The following SORL1 variants were observed in gnomAD, a reference collection of about 807,000 sequenced individuals.
SORL1 encodes the protein sortilin-related receptor.
In SORL1, 127 loss-of-function variants were observed where a neutral mutation model predicts 273.7. The observed-to-expected ratio is 0.46, with a 90% CI of 0.40 to 0.54. The LOEUF (loss-of-function observed/expected upper bound fraction) is 0.54, where lower values mean the gene tolerates loss of function less well. Among genes scored for constraint, SORL1 ranks in the 20% least tolerant of loss-of-function variants. The pLI, the probability that SORL1 is intolerant of heterozygous loss-of-function variation, is 0.00. For synonymous variants in SORL1, 1,031 were observed against 1,067.4 expected (o/e 0.97, Z 0.66); for missense variants, 2,494 against 2,846.1 (o/e 0.88, Z 2.81).
intron 30 of SORL1, 168 bp from the exon 31 acceptor site, chr11:121,590,833 A>T: frequency 1.3e-6 from 1 of 790,774 alleles, no homozygotes; most frequent in Non-Finnish European, 2.3e-6. Context: ...CTGACAACCC[A>T]TTATACATGA....
intron 12 of SORL1, among the ~76,000 whole-genome samples, chr11:121,536,301 A>G (rs961497253): frequency 6.6e-6 from 1 of 152,020 alleles, no homozygotes; most frequent in Non-Finnish European, 1.5e-5. Flanking sequence ...GCAGTGGTTA[A>G]TGTCTTCACT....
intron 3 of SORL1, among the ~76,000 whole-genome samples, chr11:121,480,725 C>A (rs1029361196): frequency 2.1e-5 from 3 of 140,448 alleles, no homozygotes; most frequent in South Asian, 4.5e-4. Context: ...CAGCTCCTCC[C>A]CTAGTGCACA....
chr11:121,592,205 T>C (rs1419726212), intron 31 of SORL1, among the ~76,000 whole-genome samples: 2 of 152,228 alleles, frequency 1.3e-5, no homozygotes, highest in Non-Finnish European at 2.9e-5. Context: ...CAACCTTGTC[T>C]TCCTACTTTC....
intron 11 of SORL1, among the ~76,000 whole-genome samples, chr11:121,526,715 T>A (rs1283362747): frequency 1.3e-5 from 2 of 152,174 alleles, no homozygotes; most frequent in Non-Finnish European, 2.9e-5. Context: ...GGTATTACTG[T>A]AAATGGAATT....
intron 13 of SORL1, among the ~76,000 whole-genome samples, chr11:121,544,503 G>T (rs376250002): frequency 2.0e-5 from 3 of 152,274 alleles, no homozygotes; most frequent in African/African-American, 7.2e-5. Flanking sequence ...GTGCATATTT[G>T]TATTGTACCT....
At chr11:121,560,300 C>G (rs1240091344) in intron 21 of SORL1, among the ~76,000 whole-genome samples, 1 of 152,216 alleles carries the variant, frequency 6.6e-6, no homozygotes, top group African/African-American at 2.4e-5. Flanking sequence ...GCAGTGGGTG[C>G]AGACAGTAGC....
intron 4 of SORL1, 94 bp downstream of exon 4, chr11:121,488,287 T>C (rs1861505824): frequency 8.2e-7 from 1 of 1,223,136 alleles, no homozygotes; most frequent in Non-Finnish European, 1.2e-6. Flanking sequence ...CCTCGCCTCC[T>C]GCCTCTCCCT....
intron 32 of SORL1, among the ~76,000 whole-genome samples, chr11:121,597,944 G>A (rs1331973128): frequency 6.6e-6 from 1 of 152,178 alleles, no homozygotes; most frequent in Non-Finnish European, 1.5e-5. Context: ...GGTGGGACAA[G>A]GTGGCAGATG....
chr11:121,604,782 A>G (rs999099888), intron 33 of SORL1, among the ~76,000 whole-genome samples: 9 of 152,004 alleles, frequency 5.9e-5, no homozygotes, highest in Non-Finnish European at 8.8e-5. Context: ...AAAGTAGGAG[A>G]CCCTAGGAGG....
chr11:121,614,829 C>G, intron 40 of SORL1, 42 bp from the exon 41 acceptor site: 1 of 1,556,420 alleles, frequency 6.4e-7, no homozygotes. Context: ...TTGACTAACA[C>G]CCCCAACTTC....
intron 31 of SORL1, among the ~76,000 whole-genome samples, chr11:121,592,227 A>C (rs1340863113): frequency 6.6e-6 from 1 of 152,200 alleles, no homozygotes. Context: ...TTATCACTGA[A>C]ACCCACCATC....
chr11:121,627,422 C>G lies in SORL1; in HGVS notation c.6365-133C>G. 1 of 720,322 alleles carries G rather than the reference C, an allele frequency of 1.4e-6. No homozygotes were observed. The highest frequency in any genetic ancestry group is 2.5e-5 in the East Asian group (1 of 40,356). The allele number at this position is 720,322 out of a possible 1,614,324, so 44.6% of individuals were successfully genotyped here. On this transcript the variant is annotated intron_variant, in intron 46 of 47. Transcript: ENST00000260197. The surrounding 1 kb of genome is among the most constrained non-coding windows in gnomAD (Gnocchi z 4.9). ...AGGCATCACGCACATGCAGAAACGT[C>G]TCACACCAGACAGGCAGTTTGTGTA... is the stretch of plus-strand genomic sequence containing the variant.
chr11:121,558,784 C>A lies in SORL1; in HGVS notation c.2857C>A (p.Arg953Ser). Residue 953 changes from arginine (R) to serine (S), a missense_variant, in exon 20 of 48, where the codon CGC (arginine) becomes AGC (serine). Physicochemically the swap from Arg to Ser is moderately radical, Grantham distance 110 (BLOSUM62 -1). This residue lies in a region of SORL1 where 1,609 missense variants were observed against 1,816.4 expected (regional missense o/e 0.89). Coordinates refer to ENST00000260197, the MANE Select transcript of SORL1 (RefSeq NM_003105.6). ...IERITFSGQQ[R>S]SVILDNLPHP... is the part of the protein sequence containing the mutation. ...GCGGATCACGTTCAGTGGCCAGCAGCGCTCTGTCATTCTGGACAACCTCCC... is the reference window on the plus strand; with the variant it reads ...GCGGATCACGTTCAGTGGCCAGCAGAGCTCTGTCATTCTGGACAACCTCCC... The A allele has an allele frequency of 6.2e-7, 1 of 1,614,110 alleles. No homozygotes were observed. Among genetic ancestry groups the A allele is most frequent in the Non-Finnish European group, 8.5e-7 (1 of 1,180,014 alleles).
chr11:121,528,001 CT>C (rs1430820185), intron 11 of SORL1, among the ~76,000 whole-genome samples: 1 of 149,266 alleles, frequency 6.7e-6, no homozygotes, highest in Non-Finnish European at 1.5e-5. Context: ...TTTTGTTGTT[CT>C]TTTTGTAGCT....
At chr11:121,553,556 G>A (rs1862535343) in intron 16 of SORL1, among the ~76,000 whole-genome samples, 1 of 152,218 alleles carries the variant, frequency 6.6e-6, no homozygotes, top group Non-Finnish European at 1.5e-5. Context: ...TGATGCTGTG[G>A]TGATACAGTC....
chr11:121,510,182 AC>A (rs1861854831), intron 6 of SORL1, among the ~76,000 whole-genome samples: 1 of 152,240 alleles, frequency 6.6e-6, no homozygotes, highest in South Asian at 2.1e-4. Context: ...AGTAAGATAC[AC>A]TGTTAATGGA....
intron 27 of SORL1, among the ~76,000 whole-genome samples, chr11:121,586,684 G>T (rs1435369696): frequency 2.7e-5 from 1 of 36,492 alleles, no homozygotes. Context: ...AGTATCACTG[G>T]GGGTAGAGTG....
At position 121,577,396 on chromosome 11, in the gene SORL1, T is replaced by C. The variant is rs1322573747; in HGVS notation, c.3576T>C (p.Cys1192=). 2 of 1,598,294 alleles carry C rather than the reference T, an allele frequency of 1.3e-6. No homozygotes were observed. The highest frequency in any genetic ancestry group is 1.8e-5 in the Admixed American group (1 of 56,962). Residue 1192 remains cysteine, a synonymous_variant, in exon 25 of 48, where the codon TGT becomes TGC. Coordinates refer to ENST00000260197, the MANE Select transcript of SORL1 (RefSeq NM_003105.6). ...GGGACTGGTCTGATGAAGCCAACTG[T>C]ACCGGTCAGTACTTCCTGGACTCAG... ...DCRDWSDEAN[C]TAIYHTCEAS... is the part of the protein sequence containing the mutation.
In SORL1 at chr11:121,595,112, C is replaced by T. The variant is rs540853472; in HGVS notation, c.4370-511C>T. Among the ~76,000 whole-genome samples, 9 of 152,140 alleles carry T rather than the reference C, an allele frequency of 5.9e-5. No homozygotes were observed. Among genetic ancestry groups the T allele is most frequent in the Non-Finnish European group, 1.0e-4 (7 of 68,022 alleles). On this transcript the variant is annotated intron_variant, in intron 31 of 47. Transcript: ENST00000260197. This position sits in a 1 kb window ranked among gnomAD's most constrained non-coding sequence, Gnocchi z 5.1. ...ACCCTCCATTCTTCTATTGGGGTGA[C>T]GTATGGGTTGGTTGCCTCGTGGGAC... is the stretch of plus-strand genomic sequence containing the variant.
Sources: gnomAD v4.1 joint callset for allele counts (sites outside exome capture counted in the v4.1 genomes callset) on GRCh38, gnomAD v4.1.1 for gene constraint, gnomAD v4.1.1 regional missense constraint, Gnocchi (gnomAD v3.1) non-coding constraint, MANE v1.5 for transcripts, NCBI Gene and HGNC (gene_info 2026-07-23, HGNC 2026-07-21) for gene names.